DPP10: variants seen among roughly 807,000 people sequenced by gnomAD.
DPP10 encodes the protein dipeptidyl peptidase like 10, also known as inactive dipeptidyl peptidase 10.
Under a neutral mutation model 120.9 loss-of-function variants are expected in DPP10, and 33 were observed. The observed-to-expected ratio is 0.27, with a 90% CI of 0.21 to 0.37. The LOEUF (loss-of-function observed/expected upper bound fraction) is 0.37, where lower values mean the gene tolerates loss of function less well. Among genes scored for constraint, DPP10 ranks in the 10% least tolerant of loss-of-function variants. The pLI is 1.00. For missense variants in DPP10, 816 were observed against 942.8 expected (o/e 0.87, Z 1.76); for synonymous variants, 337 against 326.1 (o/e 1.03, Z -0.36).
intron 2 of DPP10, among the ~76,000 whole-genome samples, chr2:115,317,146 C>G (rs2061834342): frequency 6.6e-6 from 1 of 152,094 alleles, no homozygotes; most frequent in Admixed American, 6.6e-5. Flanking sequence ...AAAGGAAACT[C>G]TACCCATTAA....
chr2:114,825,624 T>C (rs1686457991), intron 1 of DPP10, among the ~76,000 whole-genome samples: 3 of 152,212 alleles, frequency 2.0e-5, no homozygotes, highest in Admixed American at 2.0e-4. Flanking sequence ...CATAAAATAA[T>C]GATTCATTGA....
intron 1 of DPP10, among the ~76,000 whole-genome samples, chr2:114,895,531 G>A (rs1327763607): frequency 1.3e-5 from 2 of 152,070 alleles, no homozygotes; most frequent in Non-Finnish European, 2.9e-5. Flanking sequence ...TCATATCCTG[G>A]GCAGATGCCA....
chr2:115,414,986 C>T (rs928903948), intron 3 of DPP10, among the ~76,000 whole-genome samples: 2 of 152,060 alleles, frequency 1.3e-5, no homozygotes, highest in Non-Finnish European at 2.9e-5. Context: ...GTGCTATTGC[C>T]GAGATTAAAT....
intron 1 of DPP10, among the ~76,000 whole-genome samples, chr2:114,675,470 T>G (rs1437032715): frequency 6.6e-6 from 1 of 152,154 alleles, no homozygotes; most frequent in Non-Finnish European, 1.5e-5. Flanking sequence ...AATAAACACG[T>G]GGGTAAAAAG....
intron 1 of DPP10, among the ~76,000 whole-genome samples, chr2:114,896,840 T>G (rs1693049274): frequency 6.6e-6 from 1 of 152,198 alleles, no homozygotes. Flanking sequence ...GCTTCCAGTT[T>G]TTGCCCATTC....
At chr2:115,242,201 T>C (rs1047513082) in intron 1 of DPP10, among the ~76,000 whole-genome samples, 1 of 152,206 alleles carries the variant, frequency 6.6e-6, no homozygotes, top group Non-Finnish European at 1.5e-5. Context: ...ATCATTCTTA[T>C]GTCTTTGCAT....
chr2:115,753,885 G>A (rs1373840055), intron 11 of DPP10, among the ~76,000 whole-genome samples: 3 of 152,078 alleles, frequency 2.0e-5, no homozygotes, highest in South Asian at 4.1e-4. Flanking sequence ...AAGTTTAAAC[G>A]GTTATGTGTA....
In DPP10 at chr2:114,497,741, C is replaced by A. The variant is rs144778540; in HGVS notation, c.60+54903C>A. ...CAGTAAGTAGCGGATAGGATTCTGGCCAAGGTCTGTTTAACAACAAAGGAC... is the reference window on the plus strand; with the variant it reads ...CAGTAAGTAGCGGATAGGATTCTGGACAAGGTCTGTTTAACAACAAAGGAC... On this transcript the variant is annotated intron_variant, in intron 1 of 25. Coordinates refer to ENST00000410059, the MANE Select transcript of DPP10 (RefSeq NM_020868.6). 4.3e-3 allele frequency among the ~76,000 whole-genome samples: 647 copies of A among 152,172 alleles called. 5 individuals are homozygous for A. The highest frequency in any genetic ancestry group is 0.015 in the African/African-American group (621 of 41,512).
chr2:115,223,606 G>A (rs2057289704), intron 1 of DPP10, among the ~76,000 whole-genome samples: 1 of 152,076 alleles, frequency 6.6e-6, no homozygotes, highest in Non-Finnish European at 1.5e-5. Context: ...TAAAGAAAAT[G>A]ATTAAACAAA....
At chr2:115,062,188 CA>C (rs1187074034) in intron 1 of DPP10, among the ~76,000 whole-genome samples, 1 of 148,204 alleles carries the variant, frequency 6.7e-6, no homozygotes, top group Non-Finnish European at 1.5e-5. Flanking sequence ...GCATGGCTAC[CA>C]AATCAAATTT....
At chr2:115,075,590 AT>A (rs1192085858) in intron 1 of DPP10, among the ~76,000 whole-genome samples, 1 of 152,226 alleles carries the variant, frequency 6.6e-6, no homozygotes, top group South Asian at 2.1e-4. Flanking sequence ...GTAATCTAAA[AT>A]TTAATTAGAG....
intron 3 of DPP10, among the ~76,000 whole-genome samples, chr2:115,402,949 G>GTATA (rs59185016): frequency 0.033 from 4,614 of 140,906 alleles, 220 homozygotes; most frequent in African/African-American, 0.1. Flanking sequence ...ATGTGTGTGT[G>GTATA]TATATATATA....
At chr2:114,901,438 T>C (rs949741451) in intron 1 of DPP10, among the ~76,000 whole-genome samples, 3 of 152,128 alleles carry the variant, frequency 2.0e-5, no homozygotes, top group Non-Finnish European at 4.4e-5. Flanking sequence ...CCTCGTGATC[T>C]GCCCGCCTTG....
chr2:115,456,469 C>A (rs1364204319), intron 3 of DPP10, among the ~76,000 whole-genome samples: 6 of 152,020 alleles, frequency 3.9e-5, no homozygotes. Context: ...GGTATATACC[C>A]AAATAATTAT....
At chr2:114,772,335 T>A (rs1022440124) in intron 1 of DPP10, among the ~76,000 whole-genome samples, 1 of 151,898 alleles carries the variant, frequency 6.6e-6, no homozygotes, top group Admixed American at 6.6e-5. Context: ...TTGTTTTGCA[T>A]TTTTAGTAGA....
chr2:115,069,250 T>G (rs1308588593), intron 1 of DPP10, among the ~76,000 whole-genome samples: 1 of 152,114 alleles, frequency 6.6e-6, no homozygotes, highest in Admixed American at 6.5e-5. Context: ...TGTACAGATC[T>G]TTTATCTCCT....
In DPP10 at chr2:114,700,622, G is replaced by A. The variant is rs181784317; in HGVS notation, c.60+257784G>A. 1.6e-4 allele frequency among the ~76,000 whole-genome samples: 25 copies of A among 152,032 alleles called. No individual in the cohort carries two copies. The East Asian group carries it at 4.3e-3, about 26-fold the overall frequency. ...GTCATCCTACACCATGTCATGCCTCGGGTTATTTGACCACGTCACTTCCTC... is the reference window on the plus strand; with the variant it reads ...GTCATCCTACACCATGTCATGCCTCAGGTTATTTGACCACGTCACTTCCTC... On this transcript the variant is annotated intron_variant, in intron 1 of 25. Coordinates refer to ENST00000410059, the MANE Select transcript of DPP10 (RefSeq NM_020868.6).
chr2:115,335,802 A>G (rs973139425), intron 2 of DPP10, among the ~76,000 whole-genome samples: 5 of 152,192 alleles, frequency 3.3e-5, no homozygotes, highest in East Asian at 1.9e-4. Flanking sequence ...GACACTAACC[A>G]TGGAAAATGA....
At chr2:115,613,737 G>A (rs1558926404) in intron 5 of DPP10, among the ~76,000 whole-genome samples, 1 of 152,156 alleles carries the variant, frequency 6.6e-6, no homozygotes, top group Admixed American at 6.5e-5. Flanking sequence ...TCATGTTCCA[G>A]CAAAACGCAG....
Sources: allele counts gnomAD v4.1 joint callset (sites outside exome capture counted in the v4.1 genomes callset), GRCh38; gene constraint gnomAD v4.1.1; transcripts MANE v1.5; gene names NCBI Gene and HGNC (gene_info 2026-07-23, HGNC 2026-07-21).